The following CCDC6 variants were observed in gnomAD, a reference collection of about 807,000 sequenced individuals.
The protein encoded by CCDC6 is coiled-coil domain-containing protein 6.
In CCDC6, 20 loss-of-function variants were observed where a neutral mutation model predicts 56.6. That is an observed-to-expected ratio of 0.35 (90% CI 0.25 to 0.51). The LOEUF is 0.51. Ranked by LOEUF, CCDC6 falls within the 20% of genes least tolerant of loss-of-function variation. The pLI, the probability that CCDC6 is intolerant of heterozygous loss-of-function variation, is 0.95. For missense variants in CCDC6, 367 were observed against 601.1 expected, an observed-to-expected ratio of 0.61 and a Z score of 4.07; for synonymous variants, 241 against 234.4, an observed-to-expected ratio of 1.03 and a Z score of -0.26.
intron 1 of CCDC6, among the ~76,000 whole-genome samples, chr10:59,888,628 A>T (rs1348914819): frequency 6.6e-6 from 1 of 152,054 alleles, no homozygotes; most frequent in East Asian, 1.9e-4. Context: ...ATCACAGAAA[A>T]GCCTGTGATG....
intron 3 of CCDC6, among the ~76,000 whole-genome samples, chr10:59,830,048 C>A (rs765541301): frequency 3.3e-5 from 5 of 152,170 alleles, no homozygotes; most frequent in Non-Finnish European, 7.3e-5. Flanking sequence ...TACAGAGGAC[C>A]ACTCACCATT....
intron 7 of CCDC6, among the ~76,000 whole-genome samples, chr10:59,802,021 T>C (rs2070580582): frequency 6.6e-6 from 1 of 152,176 alleles, no homozygotes; most frequent in Non-Finnish European, 1.5e-5. Context: ...TTCATTGCTA[T>C]GAGGGTGCAG....
intron 1 of CCDC6, among the ~76,000 whole-genome samples, chr10:59,901,192 C>T (rs974694118): frequency 2.0e-5 from 3 of 152,138 alleles, no homozygotes; most frequent in Non-Finnish European, 2.9e-5. Flanking sequence ...GACTTGTGTA[C>T]AGTTAGACCT....
Position 59,906,386 on chromosome 10 carries a change from C to T in CCDC6, c.39G>A (p.Ala13=). 1 of 1,586,014 alleles carries T rather than the reference C, an allele frequency of 6.3e-7. No individual in the cohort carries two copies. The part of the protein sequence containing the change: ...DSASESDTDG[A]GGNSSSSAAM... ...CGGCCGAGCTGCTGCTGTTGCCCCCCGCCCCGTCCGTGTCGCTCTCGCTGG... is the reference window on the plus strand; with the variant it reads ...CGGCCGAGCTGCTGCTGTTGCCCCCTGCCCCGTCCGTGTCGCTCTCGCTGG... The change falls in exon 1 of 9, where the codon GCG becomes GCA. Residue 13 remains alanine, a synonymous_variant. Transcript: ENST00000263102.
At chr10:59,820,556 G>A (rs2070741853) in intron 3 of CCDC6, among the ~76,000 whole-genome samples, 1 of 152,024 alleles carries the variant, frequency 6.6e-6, no homozygotes, top group Non-Finnish European at 1.5e-5. Context: ...ACTTAAGCCT[G>A]GGAAACAGAG....
At chr10:59,818,613 G>A (rs1052781704) in intron 3 of CCDC6, among the ~76,000 whole-genome samples, 1 of 151,120 alleles carries the variant, frequency 6.6e-6, no homozygotes, top group African/African-American at 2.4e-5. Flanking sequence ...TCCCAAAGAT[G>A]TGCAATCGGC....
rs1031177736 is a variant in CCDC6 at position 59,864,825 on chromosome 10, G to A, written c.304-12123C>T. ...AGAAACAGTATAGACCTCCTCAGAT[G>A]TATGCATGATATATAAAAAAGAGAT... On this transcript the variant is annotated intron_variant, in intron 1 of 8. Coordinates refer to ENST00000263102, the MANE Select transcript of CCDC6 (RefSeq NM_005436.5). 7.2e-5 allele frequency among the ~76,000 whole-genome samples: 11 copies of A among 152,168 alleles called. No individual in the cohort carries two copies. In the South Asian group the frequency reaches 2.1e-3, roughly 29 times the overall value.
chr10:59,824,812 T>C (rs1353173231), intron 3 of CCDC6, among the ~76,000 whole-genome samples: 2 of 152,186 alleles, frequency 1.3e-5, no homozygotes, highest in African/African-American at 2.4e-5. Flanking sequence ...GAAAGAACAA[T>C]GGATTATTTG....
intron 1 of CCDC6, among the ~76,000 whole-genome samples, chr10:59,877,083 T>C (rs896909654): frequency 1.3e-5 from 2 of 152,174 alleles, no homozygotes; most frequent in Admixed American, 6.5e-5. Context: ...AAAAATATAA[T>C]ATTTTAATCT....
chr10:59,847,805 T>C (rs187352891), intron 2 of CCDC6, among the ~76,000 whole-genome samples: 2 of 148,326 alleles, frequency 1.3e-5, no homozygotes, highest in South Asian at 2.1e-4. Flanking sequence ...TTCTGGAGAA[T>C]AGCCTTTTAG....
intron 1 of CCDC6, among the ~76,000 whole-genome samples, chr10:59,873,810 C>T (rs886527914): frequency 2.0e-5 from 3 of 151,918 alleles, no homozygotes; most frequent in Non-Finnish European, 4.4e-5. Flanking sequence ...TTGTAATAGA[C>T]TGCTAATTTT....
At chr10:59,797,207 C>T (rs1489358278) in intron 7 of CCDC6, among the ~76,000 whole-genome samples, 1 of 152,096 alleles carries the variant, frequency 6.6e-6, no homozygotes, top group Non-Finnish European at 1.5e-5. Flanking sequence ...TAGCCAATCT[C>T]ATAGACACAG....
chr10:59,857,342 G>C (rs1051800698), intron 1 of CCDC6, among the ~76,000 whole-genome samples: 1 of 152,166 alleles, frequency 6.6e-6, no homozygotes, highest in African/African-American at 2.4e-5. Flanking sequence ...AGTTTGTTCT[G>C]ACCCACTGCT....
intron 1 of CCDC6, among the ~76,000 whole-genome samples, chr10:59,888,989 C>T (rs371659073): frequency 6.6e-6 from 1 of 151,952 alleles, no homozygotes; most frequent in East Asian, 1.9e-4. Flanking sequence ...CATGGGCAGC[C>T]ATTTCTCCTC....
intron 1 of CCDC6, among the ~76,000 whole-genome samples, chr10:59,857,163 T>C (rs2071087034): frequency 6.6e-6 from 1 of 151,810 alleles, no homozygotes; most frequent in African/African-American, 2.4e-5. Context: ...TAAAATCTAA[T>C]AAAAAGGGAA....
chr10:59,882,383 CG>C (rs1187054728), intron 1 of CCDC6, among the ~76,000 whole-genome samples: 2 of 946 alleles, frequency 2.1e-3, no homozygotes, highest in African/African-American at 2.9e-3. Context: ...AGGAAAGCCG[CG>C]GGGAGAAGGA....
chr10:59,792,308 G>A lies in CCDC6; in HGVS notation c.*609C>T, dbSNP rs61136525. On this transcript the variant is annotated 3_prime_UTR_variant, in exon 9 of 9. Transcript: ENST00000263102. ...CATTACTTTGGGCCATCTGTTTTAC[G>A]AGAGACATGGATGTCAATAACACAA... 7 of 357,390 alleles carry A rather than the reference G, an allele frequency of 2.0e-5. No homozygotes were observed. Among genetic ancestry groups the A allele is most frequent in the Admixed American group, 4.4e-5 (1 of 22,794 alleles). The allele number at this position is 357,390 out of a possible 1,614,324, so 22.1% of individuals were successfully genotyped here. A position where few individuals can be genotyped will look rare whatever the true frequency, so the allele number is the denominator to read the frequency against.
intron 7 of CCDC6, among the ~76,000 whole-genome samples, chr10:59,797,476 C>T (rs373929616): frequency 1.3e-5 from 2 of 148,938 alleles, no homozygotes; most frequent in Non-Finnish European, 3.0e-5. Flanking sequence ...TGGAGAAAAT[C>T]GAGCAAAGGA....
intron 3 of CCDC6, 55 bp downstream of exon 3, chr10:59,832,470 A>T: frequency 6.5e-7 from 1 of 1,543,914 alleles, no homozygotes; most frequent in South Asian, 1.2e-5. Flanking sequence ...AAAGCTTAAA[A>T]GAACAAGCTG....
Sources: allele counts gnomAD v4.1 joint callset (sites outside exome capture counted in the v4.1 genomes callset), GRCh38; gene constraint gnomAD v4.1.1; transcripts MANE v1.5; gene names NCBI Gene and HGNC (gene_info 2026-07-23, HGNC 2026-07-21).